Variants in EDA observed in about 807,000 individuals in gnomAD.
The protein encoded by EDA is ectodysplasin-A.
A neutral mutation model predicts 23.6 loss-of-function variants in EDA; 2 were observed. The observed-to-expected ratio is 0.08, with a 90% CI of 0.03 to 0.27. The LOEUF (loss-of-function observed/expected upper bound fraction) is 0.27, where lower values mean the gene tolerates loss of function less well. EDA is among the 10% of genes least tolerant of loss of function. EDA has a pLI of 1.00. For synonymous variants in EDA, 131 were observed against 132.0 expected (o/e 0.99, Z 0.05); for missense variants, 229 against 324.2 (o/e 0.71, Z 2.26).
chrX:69,930,474 G>T (rs1260745689), intron 1 of EDA, among the ~76,000 whole-genome samples: 3 of 108,702 alleles, frequency 2.8e-5, no homozygotes, highest in East Asian at 5.8e-4. Flanking sequence ...ACCAATTCAT[G>T]ATTTAAAAAA....
At chrX:69,925,947 T>C (rs915587648) in intron 1 of EDA, among the ~76,000 whole-genome samples, 3 of 110,898 alleles carry the variant, frequency 2.7e-5, no homozygotes, top group Non-Finnish European at 5.7e-5. Flanking sequence ...TTTATTTGCA[T>C]AGAGATTTTT....
chrX:69,735,523 T>C (rs757201588), intron 1 of EDA, among the ~76,000 whole-genome samples: 3 of 112,239 alleles, frequency 2.7e-5, no homozygotes, highest in East Asian at 5.6e-4. Flanking sequence ...TCTTTTGTAA[T>C]ATTGATAGTT....
intron 1 of EDA, among the ~76,000 whole-genome samples, chrX:69,846,681 C>T (rs1007317308): frequency 9.0e-6 from 1 of 111,613 alleles, no homozygotes; most frequent in South Asian, 3.8e-4. Context: ...ACCAAAATGT[C>T]CCAAGCCTTG....
intron 2 of EDA, among the ~76,000 whole-genome samples, chrX:69,987,605 C>G (rs940995770): frequency 1.2e-5 from 1 of 85,051 alleles, no homozygotes; most frequent in African/African-American, 4.1e-5. Context: ...TAAGAAAAGC[C>G]TGTTTCCTGT....
At chrX:69,910,064 G>C (rs749613584) in intron 1 of EDA, among the ~76,000 whole-genome samples, 88 of 111,747 alleles carry the variant, frequency 7.9e-4, no homozygotes, top group Non-Finnish European at 1.5e-3. Flanking sequence ...TAATTCAACA[G>C]TTATTAAGCC....
chrX:70,018,826 A>C (rs1602610534), intron 2 of EDA, among the ~76,000 whole-genome samples: 1 of 112,191 alleles, frequency 8.9e-6, no homozygotes, highest in Non-Finnish European at 1.9e-5. Context: ...CAAAAACAAA[A>C]ATTGACAAAT....
At chrX:69,911,691 T>C (rs1487984158) in intron 1 of EDA, among the ~76,000 whole-genome samples, 3 of 112,432 alleles carry the variant, frequency 2.7e-5, no homozygotes, top group Non-Finnish European at 3.7e-5. Context: ...GTTTACATGA[T>C]ACTATAGTCT....
intron 1 of EDA, among the ~76,000 whole-genome samples, chrX:69,891,635 C>T (rs985293209): frequency 7.2e-5 from 8 of 111,364 alleles, no homozygotes; most frequent in Admixed American, 9.6e-5. Context: ...AGCTGGGGGC[C>T]GTTGTGCTTA....
chrX:69,807,698 C>T (rs1014015659), intron 1 of EDA, among the ~76,000 whole-genome samples: 1 of 109,498 alleles, frequency 9.1e-6, no homozygotes, highest in African/African-American at 3.3e-5. Context: ...GGTCTACTTC[C>T]TTTATTTAAT....
At chrX:69,783,485 T>C (rs1602400765) in intron 1 of EDA, among the ~76,000 whole-genome samples, 1 of 94,629 alleles carries the variant, frequency 1.1e-5, no homozygotes, top group East Asian at 4.0e-4. Flanking sequence ...CCCCTTCCTG[T>C]GTCCATGTGT....
chrX:69,821,772 T>C lies in EDA; in HGVS notation c.397-135255T>C, dbSNP rs1168835896. ...AGCTTATTTGCATCAGATTTACTCT[T>C]CTGGGTGCCTCTTGGATGTTTTTCA... On this transcript the variant is annotated intron_variant, in intron 1 of 7. Transcript: ENST00000374552. Among the ~76,000 whole-genome samples the C allele has an allele frequency of 1.2e-4, 13 of 112,021 alleles. 1 individual carries two copies. Among genetic ancestry groups the C allele is most frequent in the African/African-American group, 4.2e-4 (13 of 30,859 alleles).
intron 2 of EDA, among the ~76,000 whole-genome samples, chrX:69,978,867 T>C (rs1047473680): frequency 8.9e-6 from 1 of 111,997 alleles, no homozygotes; most frequent in Non-Finnish European, 1.9e-5. Flanking sequence ...TTGTAACATA[T>C]ATCAATACTT....
chrX:69,616,558 CCTGGCACCT>C lies in EDA; in HGVS notation c.259_267del (p.Ser87_Thr89del), dbSNP rs751099658. The C allele has an allele frequency of 5.8e-6, 7 of 1,209,977 alleles. No individual in the cohort carries two copies. Among genetic ancestry groups the C allele is most frequent in the Admixed American group, 2.2e-5 (1 of 45,984 alleles). ...GTCCCGCCTTGGCGGCTCGGGCACC[CCTGGCACCT>C]CTGGCACCCTAAGCAGCCTCGGTGG... On this transcript the variant is annotated inframe_deletion, in exon 1 of 8. Coordinates refer to ENST00000374552, the MANE Select transcript of EDA (RefSeq NM_001399.5).
intron 1 of EDA, among the ~76,000 whole-genome samples, chrX:69,874,126 C>T (rs2017607334): frequency 9.0e-6 from 1 of 111,063 alleles, no homozygotes. Context: ...GCCTGACCAA[C>T]ATGGAGAAAC....
chrX:69,692,753 C>T (rs1014304489), intron 1 of EDA, among the ~76,000 whole-genome samples: 3 of 112,061 alleles, frequency 2.7e-5, no homozygotes, highest in Non-Finnish European at 5.6e-5. Context: ...CTTTCTTTTA[C>T]TATATCTGAA....
At chrX:69,784,627 C>T (rs1406430831) in intron 1 of EDA, among the ~76,000 whole-genome samples, 2 of 107,951 alleles carry the variant, frequency 1.9e-5, no homozygotes, top group Non-Finnish European at 3.8e-5. Context: ...TTTTTGAGGG[C>T]TCTGTTCTGT....
At chrX:69,653,554 C>T (rs868033265) in intron 1 of EDA, among the ~76,000 whole-genome samples, 42 of 111,055 alleles carry the variant, frequency 3.8e-4, no homozygotes, top group Non-Finnish European at 6.8e-4. Flanking sequence ...ATCTTGTGCC[C>T]GTTTTCAAAG....
chrX:69,953,204 T>C (rs1264469930), intron 1 of EDA, among the ~76,000 whole-genome samples: 1 of 112,439 alleles, frequency 8.9e-6, no homozygotes, highest in Non-Finnish European at 1.9e-5. Context: ...GTCAAGCCTA[T>C]AGCAGATTAT....
chrX:69,736,059 C>T (rs914205945), intron 1 of EDA, among the ~76,000 whole-genome samples: 4 of 109,443 alleles, frequency 3.7e-5, no homozygotes, highest in African/African-American at 1.3e-4. Flanking sequence ...ATAATCCCAG[C>T]ACTTCAAGAG....
Sources: gnomAD v4.1 joint callset for allele counts (sites outside exome capture counted in the v4.1 genomes callset) on GRCh38, gnomAD v4.1.1 for gene constraint, MANE v1.5 for transcripts, NCBI Gene and HGNC (gene_info 2026-07-23, HGNC 2026-07-21) for gene names.